The following STXBP5L variants were observed in gnomAD, a reference collection of about 807,000 sequenced individuals.
STXBP5L encodes the protein syntaxin-binding protein 5-like.
Under a neutral mutation model 144.5 loss-of-function variants are expected in STXBP5L, and 65 were observed. The ratio of observed to expected loss-of-function variants is 0.45; its 90% confidence interval spans 0.37 to 0.55. STXBP5L has a LOEUF of 0.55. Ranked by LOEUF, STXBP5L falls within the 20% of genes least tolerant of loss-of-function variation. The pLI is 0.00. For synonymous variants in STXBP5L, 505 were observed against 469.6 expected, an observed-to-expected ratio of 1.08 and a Z score of -0.97; for missense variants, 1,298 against 1,405.5, an observed-to-expected ratio of 0.92 and a Z score of 1.22.
At chr3:121,006,212 C>T (rs1379867706) in intron 3 of STXBP5L, among the ~76,000 whole-genome samples, 1 of 152,126 alleles carries the variant, frequency 6.6e-6, no homozygotes, top group Non-Finnish European at 1.5e-5. Context: ...TCTCTAAGGA[C>T]TTGCTTTGTG....
chr3:120,971,589 G>A (rs1940258595), intron 3 of STXBP5L, among the ~76,000 whole-genome samples: 1 of 151,260 alleles, frequency 6.6e-6, no homozygotes, highest in Non-Finnish European at 1.5e-5. Flanking sequence ...CAAAATACAC[G>A]ACTTTATTCT....
chr3:121,209,986 C>T (rs1383700545), intron 10 of STXBP5L, among the ~76,000 whole-genome samples: 2 of 152,296 alleles, frequency 1.3e-5, no homozygotes, highest in East Asian at 1.9e-4. Context: ...ATTTCTAGTT[C>T]TAGCTCCTTG....
At chr3:121,390,920 A>G (rs932407004) in intron 22 of STXBP5L, among the ~76,000 whole-genome samples, 1 of 152,008 alleles carries the variant, frequency 6.6e-6, no homozygotes, top group African/African-American at 2.4e-5. Flanking sequence ...CTGAATTTGA[A>G]TGTTGGCCTG....
intron 3 of STXBP5L, among the ~76,000 whole-genome samples, chr3:121,037,040 C>T (rs1455363724): frequency 3.3e-5 from 5 of 152,126 alleles, no homozygotes; most frequent in African/African-American, 9.6e-5. Flanking sequence ...AATCCTCCCA[C>T]TTAAGCCTGC....
At chr3:121,139,511 C>T (rs989633269) in intron 7 of STXBP5L, among the ~76,000 whole-genome samples, 1 of 151,996 alleles carries the variant, frequency 6.6e-6, no homozygotes, top group African/African-American at 2.4e-5. Context: ...AATTAGTGTT[C>T]AAACCTAGGC....
chr3:121,191,775 A>T (rs1427456213), intron 9 of STXBP5L, among the ~76,000 whole-genome samples: 2 of 152,242 alleles, frequency 1.3e-5, no homozygotes, highest in African/African-American at 4.8e-5. Context: ...GCCATATAAA[A>T]GGATGAGTTC....
intron 20 of STXBP5L, among the ~76,000 whole-genome samples, chr3:121,363,938 C>T (rs1479064575): frequency 6.6e-6 from 1 of 152,026 alleles, no homozygotes; most frequent in African/African-American, 2.4e-5. Flanking sequence ...TAATAATAGT[C>T]CCTTACCAGA....
chr3:121,090,604 T>TA (rs1328988871), intron 5 of STXBP5L, among the ~76,000 whole-genome samples: 1 of 152,096 alleles, frequency 6.6e-6, no homozygotes, highest in African/African-American at 2.4e-5. Flanking sequence ...TAAAATATTT[T>TA]AAAGTCTCTA....
intron 7 of STXBP5L, among the ~76,000 whole-genome samples, chr3:121,143,973 AAAAT>A (rs1377648161): frequency 1.3e-5 from 2 of 152,000 alleles, no homozygotes; most frequent in Admixed American, 1.3e-4. Context: ...AATGAAAACA[AAAAT>A]AAACATGTAG....
chr3:121,297,562 T>A (rs1254565686), intron 19 of STXBP5L, among the ~76,000 whole-genome samples: 1 of 152,174 alleles, frequency 6.6e-6, no homozygotes, highest in Non-Finnish European at 1.5e-5. Flanking sequence ...CAGACTAGCC[T>A]GGACAACATG....
At chr3:120,965,025 A>G (rs557059038) in intron 3 of STXBP5L, among the ~76,000 whole-genome samples, 40 of 152,142 alleles carry the variant, frequency 2.6e-4, no homozygotes, top group Non-Finnish European at 5.4e-4. Flanking sequence ...CCATTATGTA[A>G]TGGCCTTCTT....
chr3:120,921,120 C>T (rs1709340995), intron 2 of STXBP5L, among the ~76,000 whole-genome samples: 1 of 151,972 alleles, frequency 6.6e-6, no homozygotes, highest in South Asian at 2.1e-4. Flanking sequence ...CCTCTCTCCA[C>T]ATCCTTGCCA....
At chr3:120,918,141 T>C (rs1237999335) in intron 2 of STXBP5L, among the ~76,000 whole-genome samples, 1 of 152,222 alleles carries the variant, frequency 6.6e-6, no homozygotes, top group African/African-American at 2.4e-5. Context: ...AGTTGATCTT[T>C]CCAACATGTC....
At chr3:121,359,503 G>GT (rs1284884246) in intron 20 of STXBP5L, among the ~76,000 whole-genome samples, 9 of 152,004 alleles carry the variant, frequency 5.9e-5, no homozygotes, top group African/African-American at 1.9e-4. Context: ...TGCTTGTGGG[G>GT]TGTTGCATAA....
intron 7 of STXBP5L, among the ~76,000 whole-genome samples, chr3:121,136,106 C>T (rs899391347): frequency 6.6e-6 from 1 of 152,178 alleles, no homozygotes; most frequent in Non-Finnish European, 1.5e-5. Context: ...GTGCCATTCT[C>T]ATCTTAGTAG....
At chr3:121,076,395 T>C (rs1474909436) in intron 5 of STXBP5L, among the ~76,000 whole-genome samples, 1 of 152,174 alleles carries the variant, frequency 6.6e-6, no homozygotes, top group Admixed American at 6.5e-5. Context: ...TGTAAGATGG[T>C]TTTTTTCTGC....
intron 3 of STXBP5L, among the ~76,000 whole-genome samples, chr3:121,039,910 GA>G: frequency 6.6e-6 from 1 of 151,612 alleles, no homozygotes; most frequent in East Asian, 1.9e-4. Flanking sequence ...AATCCTCAAT[GA>G]ATTTTTTTAA....
At chr3:121,198,872 GT>G (rs1424075413) in intron 9 of STXBP5L, among the ~76,000 whole-genome samples, 1 of 152,130 alleles carries the variant, frequency 6.6e-6, no homozygotes, top group Non-Finnish European at 1.5e-5. Context: ...GTACCATGCT[GT>G]TTTGGTTACT....
intron 5 of STXBP5L, among the ~76,000 whole-genome samples, chr3:121,082,972 G>A (rs1343031232): frequency 1.3e-5 from 2 of 152,160 alleles, no homozygotes; most frequent in Admixed American, 1.3e-4. Flanking sequence ...GCTGAGGCAG[G>A]CAGATTACGA....
Sources: allele counts gnomAD v4.1 joint callset (sites outside exome capture counted in the v4.1 genomes callset), GRCh38; gene constraint gnomAD v4.1.1; transcripts MANE v1.5; gene names NCBI Gene and HGNC (gene_info 2026-07-23, HGNC 2026-07-21).